The following TMPRSS11D variants were observed in gnomAD, a reference collection of about 807,000 sequenced individuals.
TMPRSS11D encodes transmembrane protease serine 11D.
Under a neutral mutation model 44.4 loss-of-function variants are expected in TMPRSS11D, and 32 were observed. That is an observed-to-expected ratio of 0.72 (90% CI 0.54 to 0.97). The LOEUF is 0.97. TMPRSS11D is among the 50% of genes least tolerant of loss of function. The probability of loss-of-function intolerance (pLI) is 0.00; values close to 1 mark genes in which losing one functional copy is unlikely to be tolerated. For missense variants in TMPRSS11D, 446 were observed against 502.6 expected (o/e 0.89, Z 1.08); for synonymous variants, 179 against 177.9 (o/e 1.01, Z -0.05).
rs1465333900 is a variant in TMPRSS11D, at chr4:67,842,901, A to T, written c.250-276T>A. Among the ~76,000 whole-genome samples, 4 of 152,184 alleles carry T rather than the reference A, an allele frequency of 2.6e-5. No individual in the cohort carries two copies. In the South Asian group the frequency reaches 8.3e-4, roughly 32 times the overall value. The stretch of plus-strand genomic sequence containing the variant: ...CTAAACACATCAGATGTTTTACTCA[A>T]TGAGAGATTATGTTATATGGCTTGG... On this transcript the variant is annotated intron_variant, in intron 3 of 9. Coordinates refer to ENST00000283916, the MANE Select transcript of TMPRSS11D (RefSeq NM_004262.3).
At chr4:67,842,052 G>T (rs2109672664) in intron 4 of TMPRSS11D, among the ~76,000 whole-genome samples, 1 of 152,302 alleles carries the variant, frequency 6.6e-6, no homozygotes, top group Non-Finnish European at 1.5e-5. Flanking sequence ...TAACTAGCAT[G>T]CATGCTGCTA....
intron 7 of TMPRSS11D, among the ~76,000 whole-genome samples, chr4:67,831,699 A>G (rs1272145481): frequency 6.6e-6 from 1 of 152,148 alleles, no homozygotes; most frequent in African/African-American, 2.4e-5. Context: ...TCAAGTGGCA[A>G]TGAAAATTGA....
intron 2 of TMPRSS11D, among the ~76,000 whole-genome samples, chr4:67,854,545 T>C (rs1173228069): frequency 6.6e-6 from 1 of 152,152 alleles, no homozygotes; most frequent in Admixed American, 6.5e-5. Context: ...TTATTTATCA[T>C]TAAGAAAGAA....
At position 67,839,968 on chromosome 4, in the gene TMPRSS11D, CTA is replaced by C. The variant is rs554522444; in HGVS notation, c.318-1641_318-1640del. Among the ~76,000 whole-genome samples the C allele has an allele frequency of 5.2e-3, 741 of 141,374 alleles. 10 individuals are homozygous for C. The highest frequency in any genetic ancestry group is 0.018 in the African/African-American group (698 of 39,004). 92.7% of individuals were successfully genotyped at this position (141,374 alleles called of 152,430 possible). A position where few individuals can be genotyped will look rare whatever the true frequency, so the allele number is the denominator to read the frequency against. On this transcript the variant is annotated intron_variant, in intron 4 of 9. Coordinates refer to ENST00000283916, the MANE Select transcript of TMPRSS11D (RefSeq NM_004262.3). ...TTAGCATTAGGTGTATCTCCTAATG[CTA>C]TCCCTCCCCCCTCCCCCGACAACAA...
At chr4:67,836,537 A>G (rs978999943) in intron 5 of TMPRSS11D, among the ~76,000 whole-genome samples, 1 of 152,192 alleles carries the variant, frequency 6.6e-6, no homozygotes, top group Non-Finnish European at 1.5e-5. Flanking sequence ...AAAATTTTAA[A>G]AAGCTGGCCA....
At position 67,822,298 on chromosome 4, in the gene TMPRSS11D, C is replaced by A. The variant is rs867979791; in HGVS notation, c.*39G>T. ...AGCTTTGGAATTTAAGACAGGCACA[C>A]CTGCATACAGACTTTGCAACAGGGA... On this transcript the variant is annotated 3_prime_UTR_variant, in exon 10 of 10. Coordinates refer to ENST00000283916, the MANE Select transcript of TMPRSS11D (RefSeq NM_004262.3). The A allele has an allele frequency of 1.2e-6, 2 of 1,603,334 alleles. No homozygotes were observed. The highest frequency in any genetic ancestry group is 1.7e-4 in the Middle Eastern group (1 of 5,964).
intron 4 of TMPRSS11D, among the ~76,000 whole-genome samples, chr4:67,840,246 A>G (rs1205800697): frequency 6.6e-6 from 1 of 152,122 alleles, no homozygotes; most frequent in African/African-American, 2.4e-5. Flanking sequence ...CGGAGGCCTC[A>G]GGAAATTTAC....
intron 1 of TMPRSS11D, among the ~76,000 whole-genome samples, chr4:67,877,909 A>G (rs985836613): frequency 6.6e-6 from 1 of 152,228 alleles, no homozygotes; most frequent in Admixed American, 6.5e-5. Flanking sequence ...TGTTCTCTAT[A>G]TGAAGCTAGA....
At chr4:67,856,224 A>G (rs1718631196) in intron 2 of TMPRSS11D, among the ~76,000 whole-genome samples, 1 of 152,176 alleles carries the variant, frequency 6.6e-6, no homozygotes, top group South Asian at 2.1e-4. Flanking sequence ...ACACCACCTG[A>G]CATCAAACTA....
At chr4:67,832,336 C>G (rs750127080) in intron 7 of TMPRSS11D, among the ~76,000 whole-genome samples, 4 of 152,122 alleles carry the variant, frequency 2.6e-5, no homozygotes, top group African/African-American at 7.2e-5. Context: ...AAGTTCCCAA[C>G]AACTGTTGTG....
intron 1 of TMPRSS11D, among the ~76,000 whole-genome samples, chr4:67,873,070 G>T (rs865872208): frequency 6.6e-6 from 1 of 152,184 alleles, no homozygotes; most frequent in East Asian, 1.9e-4. Flanking sequence ...AGTGGATAAA[G>T]GACTGAAAAA....
chr4:67,848,906 T>C (rs1486453841), intron 3 of TMPRSS11D, among the ~76,000 whole-genome samples: 1 of 152,158 alleles, frequency 6.6e-6, no homozygotes, highest in Non-Finnish European at 1.5e-5. Flanking sequence ...GAGGATAATA[T>C]AGTGGGATTT....
intron 4 of TMPRSS11D, 62 bp downstream of exon 4, chr4:67,842,496 C>T: frequency 7.2e-7 from 1 of 1,387,354 alleles, no homozygotes; most frequent in Non-Finnish European, 1.0e-6. Flanking sequence ...CATTCTGTGA[C>T]AAAAAGTCAA....
intron 1 of TMPRSS11D, among the ~76,000 whole-genome samples, chr4:67,865,016 G>C (rs1422124124): frequency 6.6e-6 from 1 of 151,762 alleles, no homozygotes. Context: ...TAGACCAAAT[G>C]GACCTAATAG....
intron 2 of TMPRSS11D, 63 bp from the exon 3 acceptor site, chr4:67,854,249 T>G: frequency 1.1e-6 from 1 of 871,386 alleles, no homozygotes; most frequent in Non-Finnish European, 1.8e-6. Context: ...CTTTAATTTA[T>G]TCAGGATTAT....
At chr4:67,870,752 T>G (rs35868475) in intron 1 of TMPRSS11D, among the ~76,000 whole-genome samples, 43,507 of 148,794 alleles carry the variant, frequency 0.29, 7,762 homozygotes, top group East Asian at 0.53. Flanking sequence ...AGGCGGAGCT[T>G]GCAGTGAGCG....
chr4:67,854,229 GT>G (rs1159686894), intron 2 of TMPRSS11D, 43 bp from the exon 3 acceptor site: 4 of 1,033,092 alleles, frequency 3.9e-6, no homozygotes, highest in Non-Finnish European at 5.8e-6. Context: ...ACTTTACTAA[GT>G]TGTTGAACCT....
At chr4:67,827,051 A>G (rs924094914) in intron 8 of TMPRSS11D, among the ~76,000 whole-genome samples, 4 of 152,068 alleles carry the variant, frequency 2.6e-5, no homozygotes, top group Non-Finnish European at 2.9e-5. Context: ...TCCTATTACT[A>G]TATTTGAGAA....
intron 3 of TMPRSS11D, among the ~76,000 whole-genome samples, chr4:67,844,383 T>TGAACAATTTTAA (rs1375481704): frequency 6.6e-6 from 1 of 152,198 alleles, no homozygotes; most frequent in Non-Finnish European, 1.5e-5. Flanking sequence ...AGAGAACCTT[T>TGAACAATTTTAA]GAACAATTTT....
Sources: gnomAD v4.1 joint callset for allele counts (sites outside exome capture counted in the v4.1 genomes callset) on GRCh38, gnomAD v4.1.1 for gene constraint, MANE v1.5 for transcripts, NCBI Gene and HGNC (gene_info 2026-07-23, HGNC 2026-07-21) for gene names.